Variants in ACBD3 observed in about 807,000 individuals in gnomAD.
ACBD3 encodes Golgi resident protein GCP60.
ACBD3 carries 30 observed loss-of-function variants against 66.9 expected under a neutral mutation model. That is an observed-to-expected ratio of 0.45 (90% CI 0.34 to 0.61). The LOEUF (loss-of-function observed/expected upper bound fraction) is 0.61. ACBD3 is among the 20% of genes least tolerant of loss of function. The pLI is 0.02. For missense variants in ACBD3, 544 were observed against 664.5 expected (o/e 0.82, Z 1.99); for synonymous variants, 278 against 259.8 (o/e 1.07, Z -0.68).
At chr1:226,183,539 C>A (rs563621933) in intron 1 of ACBD3, among the ~76,000 whole-genome samples, 1 of 151,968 alleles carries the variant, frequency 6.6e-6, no homozygotes, top group African/African-American at 2.4e-5. Flanking sequence ...CATAGAATAG[C>A]GATTAAAAGT....
intron 1 of ACBD3, among the ~76,000 whole-genome samples, chr1:226,178,567 T>C (rs1179312116): frequency 9.1e-5 from 3 of 32,954 alleles, no homozygotes; most frequent in Admixed American, 7.5e-4. Flanking sequence ...AGAGCAAGAC[T>C]CCGTCTCAAA....
rs547153615 is a variant in ACBD3 at position 226,167,912 on chromosome 1, G to C, written c.287-1912C>G. 1.6e-4 allele frequency among the ~76,000 whole-genome samples: 24 copies of C among 152,224 alleles called. 1 individual carries two copies. The South Asian group carries it at 4.8e-3, about 30-fold the overall frequency. On this transcript the variant is annotated intron_variant, in intron 1 of 7. Transcript: ENST00000366812. ...TCCCATCAGATAAACAAAAAAGTTA[G>C]ATAACATCTAAAGTTATTAAGATCC...
intron 5 of ACBD3, among the ~76,000 whole-genome samples, chr1:226,157,257 G>A (rs35916339): frequency 0.56 from 66,823 of 119,402 alleles, 15,201 homozygotes; most frequent in African/African-American, 0.6. Context: ...TTTTTTTTTT[G>A]AGACGGAGTT....
chr1:226,167,188 A>G (rs1659892390), intron 1 of ACBD3, among the ~76,000 whole-genome samples: 1 of 152,248 alleles, frequency 6.6e-6, no homozygotes, highest in African/African-American at 2.4e-5. Flanking sequence ...CCCTTTTAAC[A>G]TGATCATGCA....
intron 3 of ACBD3, 50 bp downstream of exon 3, chr1:226,164,739 A>C: frequency 6.5e-7 from 1 of 1,534,246 alleles, no homozygotes. Context: ...CAAAAGCATC[A>C]GTACACTGGG....
Position 226,152,019 on chromosome 1 carries a change from A to T in ACBD3, c.1375+316T>A, listed in dbSNP as rs561140865. Among the ~76,000 whole-genome samples, 236 of 151,966 alleles carry T rather than the reference A, an allele frequency of 1.6e-3. 1 individual carries two copies. The highest frequency in any genetic ancestry group is 4.2e-3 in the African/African-American group (173 of 41,478). ...GAGACTCTGTCTCAAAAAAAAAAAA[A>T]TTTTTTTTGAAGTAATCTTGCATAT... On this transcript the variant is annotated intron_variant, in intron 7 of 7. Transcript: ENST00000366812.
At chr1:226,180,507 C>T (rs796571998) in intron 1 of ACBD3, among the ~76,000 whole-genome samples, 11 of 152,236 alleles carry the variant, frequency 7.2e-5, no homozygotes, top group African/African-American at 2.6e-4. Context: ...AGTGTTGACT[C>T]CAGAGCTTAC....
chr1:226,172,888 C>T (rs1004272440), intron 1 of ACBD3, among the ~76,000 whole-genome samples: 6 of 152,110 alleles, frequency 3.9e-5, no homozygotes, highest in African/African-American at 9.7e-5. Flanking sequence ...GCCTGAAGGT[C>T]GAGGCTCCAA....
intron 1 of ACBD3, among the ~76,000 whole-genome samples, chr1:226,175,037 G>T (rs1312870016): frequency 7.1e-6 from 1 of 141,090 alleles, no homozygotes; most frequent in Non-Finnish European, 1.5e-5. Context: ...GGAGGTTACA[G>T]TGAGCCGAAA....
chr1:226,176,942 G>A (rs975305318), intron 1 of ACBD3, among the ~76,000 whole-genome samples: 7 of 152,082 alleles, frequency 4.6e-5, no homozygotes, highest in East Asian at 3.9e-4. Flanking sequence ...AACTGCTTTC[G>A]AAGAAACATG....
intron 7 of ACBD3, 90 bp downstream of exon 7, chr1:226,152,245 G>C: frequency 6.7e-7 from 1 of 1,499,032 alleles, no homozygotes; most frequent in East Asian, 2.3e-5. Context: ...GTGTTAGTCA[G>C]GAAGCATAAG....
At chr1:226,157,916 T>C (rs1659705636) in intron 5 of ACBD3, among the ~76,000 whole-genome samples, 1 of 152,242 alleles carries the variant, frequency 6.6e-6, no homozygotes, top group Non-Finnish European at 1.5e-5. Context: ...CATTAAATGA[T>C]AGCAACCTAT....
At chr1:226,162,921 T>C (rs1345622138) in intron 3 of ACBD3, among the ~76,000 whole-genome samples, 1 of 151,936 alleles carries the variant, frequency 6.6e-6, no homozygotes, top group Non-Finnish European at 1.5e-5. Flanking sequence ...CTTAGCCTCC[T>C]GAGTAGCTGG....
At position 226,186,460 on chromosome 1, in the gene ACBD3, C is replaced by T; in HGVS notation, c.216G>A (p.Ala72=). ...EAAAGGAAEE[A]RRLEQRWGFG... ...AACCCCAGCGCTGCTCCAGCCGCCG[C>T]GCCTCCTCCGCCGCGCCCCCAGCCG... The change falls in exon 1 of 8, where the codon GCG becomes GCA. Residue 72 remains alanine (A), a synonymous_variant. Transcript: ENST00000366812. The T allele has an allele frequency of 1.3e-6, 2 of 1,502,684 alleles. No individual in the cohort carries two copies. Among genetic ancestry groups the T allele is most frequent in the Non-Finnish European group, 8.9e-7 (1 of 1,128,470 alleles). The allele number at this position is 1,502,684 out of a possible 1,614,324, so 93.1% of individuals were successfully genotyped here. A position where few individuals can be genotyped will look rare whatever the true frequency, so the allele number is the denominator to read the frequency against.
intron 7 of ACBD3, 118 bp downstream of exon 7, chr1:226,152,217 G>T: frequency 7.4e-7 from 1 of 1,352,184 alleles, no homozygotes; most frequent in Non-Finnish European, 1.0e-6. Context: ...AATGAAGAAA[G>T]TGTTCCCTAA....
At chr1:226,151,297 T>C (rs1659567819) in intron 7 of ACBD3, among the ~76,000 whole-genome samples, 1 of 152,256 alleles carries the variant, frequency 6.6e-6, no homozygotes, top group African/African-American at 2.4e-5. Flanking sequence ...TGCTTTTCCA[T>C]TCTCACAGGG....
intron 7 of ACBD3, chr1:226,148,146 G>A (rs1473104732): frequency 1.3e-5 from 2 of 152,112 alleles, no homozygotes; most frequent in African/African-American, 4.8e-5. Flanking sequence ...ATCCTGGAAA[G>A]GATCTTGGAA....
intron 5 of ACBD3, among the ~76,000 whole-genome samples, chr1:226,158,921 G>A (rs1252061546): frequency 6.6e-6 from 1 of 152,206 alleles, no homozygotes; most frequent in Non-Finnish European, 1.5e-5. Context: ...GTCTATGCCA[G>A]ACTCACAGTA....
intron 3 of ACBD3, among the ~76,000 whole-genome samples, chr1:226,163,426 T>C (rs1364965137): frequency 1.3e-5 from 2 of 152,116 alleles, no homozygotes; most frequent in Non-Finnish European, 2.9e-5. Flanking sequence ...CAATGGACTG[T>C]AGGACATAAA....
Sources: gnomAD v4.1 joint callset for allele counts (sites outside exome capture counted in the v4.1 genomes callset) on GRCh38, gnomAD v4.1.1 for gene constraint, MANE v1.5 for transcripts, NCBI Gene and HGNC (gene_info 2026-07-23, HGNC 2026-07-21) for gene names.